Variants in SPOCK3 observed in about 807,000 individuals in gnomAD.
SPOCK3 encodes testican-3.
In SPOCK3, 30 loss-of-function variants were observed where a neutral mutation model predicts 56.6. The ratio of observed to expected loss-of-function variants is 0.53; its 90% CI spans 0.40 to 0.72. The LOEUF is 0.72. Among genes scored for constraint, SPOCK3 ranks in the 30% least tolerant of loss-of-function variants. SPOCK3 has a pLI of 0.00. For synonymous variants in SPOCK3, 196 were observed against 183.3 expected, an observed-to-expected ratio of 1.07 and a Z score of -0.56; for missense variants, 527 against 530.0, an observed-to-expected ratio of 0.99 and a Z score of 0.06.
chr4:166,754,253 T>G, intron 8 of SPOCK3: 1 of 1,156,918 alleles, frequency 8.6e-7, no homozygotes, highest in Non-Finnish European at 1.1e-6. Flanking sequence ...TCTTGGTGGC[T>G]CATAATGGAA....
At chr4:167,159,724 G>A (rs1358139401) in intron 2 of SPOCK3, among the ~76,000 whole-genome samples, 1 of 152,118 alleles carries the variant, frequency 6.6e-6, no homozygotes. Flanking sequence ...TGGGATGCAA[G>A]GCTGATTCAA....
intron 4 of SPOCK3, among the ~76,000 whole-genome samples, chr4:166,981,641 C>T (rs1355858210): frequency 1.3e-5 from 2 of 152,154 alleles, no homozygotes; most frequent in African/African-American, 4.8e-5. Flanking sequence ...TCGCTCCTGT[C>T]CACCAACTTC....
intron 3 of SPOCK3, among the ~76,000 whole-genome samples, chr4:167,059,369 G>A (rs1288792134): frequency 6.6e-6 from 1 of 152,090 alleles, no homozygotes; most frequent in Non-Finnish European, 1.5e-5. Flanking sequence ...CTCAAAAGAA[G>A]ACATTCATGC....
At chr4:166,906,316 C>G (rs1449229833) in intron 5 of SPOCK3, among the ~76,000 whole-genome samples, 1 of 151,954 alleles carries the variant, frequency 6.6e-6, no homozygotes, top group Non-Finnish European at 1.5e-5. Flanking sequence ...ATAAACGATT[C>G]TGCAACTGGT....
Position 167,125,474 on chromosome 4 carries a change from G to A in SPOCK3, c.190-62937C>T, listed in dbSNP as rs184945590. 9.8e-3 allele frequency among the ~76,000 whole-genome samples: 1,470 copies of A among 150,512 alleles called. 13 individuals are homozygous for A. The highest frequency in any genetic ancestry group is 0.013 in the Non-Finnish European group (906 of 67,710). ...CACGCCTGTAATCCCAGCACTTTGGGAGGCTGAAGCGGGCGGATCATGAGG... is the reference window on the plus strand; with the variant it reads ...CACGCCTGTAATCCCAGCACTTTGGAAGGCTGAAGCGGGCGGATCATGAGG... On this transcript the variant is annotated intron_variant, in intron 2 of 10. Coordinates refer to ENST00000357545, the MANE Select transcript of SPOCK3 (RefSeq NM_001040159.2).
intron 6 of SPOCK3, among the ~76,000 whole-genome samples, chr4:166,884,650 A>G (rs899980919): frequency 6.6e-6 from 1 of 152,204 alleles, no homozygotes; most frequent in Admixed American, 6.5e-5. Flanking sequence ...ATAGAAATGC[A>G]AAGTTGGTTA....
intron 5 of SPOCK3, among the ~76,000 whole-genome samples, chr4:166,899,293 T>TCTAATCTATCTAA (rs57155873): frequency 2.2e-5 from 3 of 139,022 alleles, no homozygotes; most frequent in Non-Finnish European, 4.7e-5. Context: ...TATCTATCTA[T>TCTAATCTATCTAA]CTATCTATGT....
chr4:166,763,421 A>G (rs1737519023), intron 7 of SPOCK3, among the ~76,000 whole-genome samples: 1 of 152,154 alleles, frequency 6.6e-6, no homozygotes, highest in Admixed American at 6.6e-5. Context: ...GAATGTAATA[A>G]TACCATGACA....
At chr4:166,810,795 G>A (rs1385411897) in intron 6 of SPOCK3, among the ~76,000 whole-genome samples, 3 of 151,742 alleles carry the variant, frequency 2.0e-5, no homozygotes, top group African/African-American at 7.3e-5. Flanking sequence ...ATAACATTGA[G>A]CATATAAAAT....
chr4:166,911,262 T>C (rs1239690564), intron 5 of SPOCK3, among the ~76,000 whole-genome samples: 1 of 152,182 alleles, frequency 6.6e-6, no homozygotes, highest in Non-Finnish European at 1.5e-5. Flanking sequence ...ATGTATTTAG[T>C]GACTGAATTA....
chr4:166,990,216 A>G (rs1747621921), intron 4 of SPOCK3, among the ~76,000 whole-genome samples: 1 of 152,160 alleles, frequency 6.6e-6, no homozygotes, highest in South Asian at 2.1e-4. Flanking sequence ...ACTGAATATC[A>G]ATGATTACAA....
chr4:166,793,357 A>G lies in SPOCK3; in HGVS notation c.590-1068T>C, dbSNP rs28680327. 5.0e-3 allele frequency among the ~76,000 whole-genome samples: 758 copies of G among 152,300 alleles called. 10 individuals are homozygous for G. The highest frequency in any genetic ancestry group is 0.017 in the African/African-American group (724 of 41,552). On this transcript the variant is annotated intron_variant, in intron 6 of 10. Transcript: ENST00000357545. ...CCTAGCTCTAAAGTAGGGGTATCCA[A>G]TATTTTGGCTTCCCTGGGCCACACT...
At chr4:167,080,825 T>C (rs892852773) in intron 2 of SPOCK3, among the ~76,000 whole-genome samples, 5 of 151,802 alleles carry the variant, frequency 3.3e-5, no homozygotes, top group Admixed American at 3.3e-4. Context: ...TACCATTTTC[T>C]ATGCCAACTT....
At chr4:167,130,565 A>G (rs2150380461) in intron 2 of SPOCK3, among the ~76,000 whole-genome samples, 1 of 152,290 alleles carries the variant, frequency 6.6e-6, no homozygotes, top group South Asian at 2.1e-4. Flanking sequence ...TTTAATTTAG[A>G]TGTTTTTGTA....
chr4:167,053,058 C>A (rs902847354), intron 3 of SPOCK3, among the ~76,000 whole-genome samples: 1 of 152,062 alleles, frequency 6.6e-6, no homozygotes, highest in Non-Finnish European at 1.5e-5. Flanking sequence ...TGCAAAAGGA[C>A]ATATCAGGCT....
At chr4:166,855,964 G>A (rs184596415) in intron 6 of SPOCK3, among the ~76,000 whole-genome samples, 50 of 152,312 alleles carry the variant, frequency 3.3e-4, no homozygotes, top group African/African-American at 1.0e-3. Flanking sequence ...GAAGACTATT[G>A]AAAAGGTTAA....
upstream of SPOCK3, chr4:167,234,529 T>G: frequency 7.2e-6 from 2 of 276,640 alleles, no homozygotes; most frequent in Non-Finnish European, 1.4e-5. Context: ...TTTCTGGAGC[T>G]GCTGCACGCG....
intron 4 of SPOCK3, among the ~76,000 whole-genome samples, chr4:166,994,043 C>T (rs976322404): frequency 6.6e-6 from 1 of 152,122 alleles, no homozygotes; most frequent in African/African-American, 2.4e-5. Context: ...GTCCGTCCAG[C>T]TTCAAATTAC....
chr4:166,773,487 G>C (rs1357203454), intron 7 of SPOCK3, among the ~76,000 whole-genome samples: 2 of 152,138 alleles, frequency 1.3e-5, no homozygotes, highest in Admixed American at 1.3e-4. Flanking sequence ...TTTAAAGCTA[G>C]ATCGCATTGT....
Sources: gnomAD v4.1 joint callset for allele counts (sites outside exome capture counted in the v4.1 genomes callset) on GRCh38, gnomAD v4.1.1 for gene constraint, MANE v1.5 for transcripts, NCBI Gene and HGNC (gene_info 2026-07-23, HGNC 2026-07-21) for gene names.